Variants in PLCE1 observed in about 807,000 individuals in gnomAD.
The protein encoded by PLCE1 is 1-phosphatidylinositol 4,5-bisphosphate phosphodiesterase epsilon-1.
A neutral mutation model predicts 242.8 loss-of-function variants in PLCE1; 119 were observed. That is an observed-to-expected ratio of 0.49 (90% CI 0.42 to 0.57). The LOEUF (loss-of-function observed/expected upper bound fraction) is 0.57, where lower values mean the gene tolerates loss of function less well. Among genes scored for constraint, PLCE1 ranks in the 20% least tolerant of loss-of-function variants. The pLI, the probability that PLCE1 is intolerant of heterozygous loss-of-function variation, is 0.00. For synonymous variants in PLCE1, 945 were observed against 1,017.4 expected, an observed-to-expected ratio of 0.93 and a Z score of 1.35; for missense variants, 2,441 against 2,788.8, an observed-to-expected ratio of 0.88 and a Z score of 2.81.
At chr10:94,215,651 T>C (rs2049494775) in intron 4 of PLCE1, among the ~76,000 whole-genome samples, 1 of 152,112 alleles carries the variant, frequency 6.6e-6, no homozygotes, top group Admixed American at 6.5e-5. Flanking sequence ...TTCTTGGATA[T>C]ACAAGATAAG....
In PLCE1 at chr10:94,254,944, A is replaced by G. The variant is rs778868001; in HGVS notation, c.3449A>G (p.His1150Arg). The G allele has an allele frequency of 6.2e-7, 1 of 1,613,694 alleles. No homozygotes were observed. Among genetic ancestry groups the G allele is most frequent in the East Asian group, 2.2e-5 (1 of 44,874 alleles). ...AACCCCCTCCCTTCCAGAAGAGCCC[A>G]CTCTTTGACCACAGCTGGGTCCCCC... ...PPNPLPSRRAHSLTTAGSPNL... is the reference protein window; with the variant it reads ...PPNPLPSRRARSLTTAGSPNL... The change falls in exon 11 of 33, where the codon CAC (histidine) becomes CGC (arginine). Residue 1150 changes from histidine (H) to arginine (R), a missense_variant. His to Arg is a conservative substitution (Grantham distance 29). Coordinates refer to ENST00000371380, the MANE Select transcript of PLCE1 (RefSeq NM_016341.4).
intron 21 of PLCE1, among the ~76,000 whole-genome samples, 197 bp downstream of exon 21, chr10:94,284,108 G>A (rs2052350782): frequency 6.6e-6 from 1 of 152,166 alleles, no homozygotes; most frequent in Non-Finnish European, 1.5e-5. Context: ...GATTCATCCA[G>A]CCAATACCTA....
At chr10:94,137,117 C>T (rs745827377) in intron 3 of PLCE1, among the ~76,000 whole-genome samples, 64 of 151,988 alleles carry the variant, frequency 4.2e-4, no homozygotes, top group Non-Finnish European at 7.6e-4. Context: ...GGCGTGAACC[C>T]GGGAGGCAGA....
intron 4 of PLCE1, among the ~76,000 whole-genome samples, chr10:94,220,666 T>TACTTGCAGCAGCAGAGCAGTC (rs2049708714): frequency 6.6e-6 from 1 of 151,950 alleles, no homozygotes. Flanking sequence ...TCTACAACAG[T>TACTTGCAGCAGCAGAGCAGTC]ACTTGCAGCA....
intron 4 of PLCE1, among the ~76,000 whole-genome samples, chr10:94,216,594 A>G (rs2049537970): frequency 6.6e-6 from 1 of 152,102 alleles, no homozygotes; most frequent in Non-Finnish European, 1.5e-5. Flanking sequence ...TGCCTGGGAT[A>G]CCTAGCTGTC....
At chr10:94,228,780 G>T (rs749363789) in intron 5 of PLCE1, among the ~76,000 whole-genome samples, 1 of 151,892 alleles carries the variant, frequency 6.6e-6, no homozygotes, top group African/African-American at 2.4e-5. Context: ...AATGCATCAG[G>T]CATGGCTCAA....
At chr10:94,174,066 A>T (rs1325352380) in intron 4 of PLCE1, among the ~76,000 whole-genome samples, 1 of 152,208 alleles carries the variant, frequency 6.6e-6, no homozygotes, top group Non-Finnish European at 1.5e-5. Context: ...AAAAGGAAGA[A>T]ATGGAGTTTG....
intron 18 of PLCE1, among the ~76,000 whole-genome samples, chr10:94,273,011 G>A (rs1241726501): frequency 6.6e-6 from 1 of 151,994 alleles, no homozygotes; most frequent in African/African-American, 2.4e-5. Flanking sequence ...GACCAGCCTG[G>A]GCAACAATGG....
chr10:94,001,097 C>T (rs997923770), intron 1 of PLCE1, among the ~76,000 whole-genome samples: 2 of 152,200 alleles, frequency 1.3e-5, no homozygotes, highest in African/African-American at 4.8e-5. Flanking sequence ...CCCCATATCC[C>T]TCCTCTGAAG....
chr10:94,249,866 G>A (rs376481059), intron 8 of PLCE1, among the ~76,000 whole-genome samples: 2 of 151,786 alleles, frequency 1.3e-5, no homozygotes, highest in East Asian at 3.9e-4. Context: ...GGGAGGCTAA[G>A]AAAGTTAAAT....
intron 3 of PLCE1, among the ~76,000 whole-genome samples, chr10:94,143,984 T>G (rs909282197): frequency 6.6e-6 from 1 of 152,234 alleles, no homozygotes; most frequent in African/African-American, 2.4e-5. Context: ...CTGTTTATAC[T>G]CAGAGACACA....
intron 22 of PLCE1, among the ~76,000 whole-genome samples, chr10:94,285,776 C>T (rs2133350789): frequency 6.6e-6 from 1 of 152,302 alleles, no homozygotes; most frequent in South Asian, 2.1e-4. Context: ...GGTAGCAAGG[C>T]CCCACCCAAA....
At chr10:94,208,394 A>C (rs2049231876) in intron 4 of PLCE1, among the ~76,000 whole-genome samples, 1 of 152,268 alleles carries the variant, frequency 6.6e-6, no homozygotes, top group African/African-American at 2.4e-5. Context: ...CTTTGAAATT[A>C]CATAAAGACA....
intron 2 of PLCE1, among the ~76,000 whole-genome samples, chr10:94,121,642 T>G (rs1303358441): frequency 2.0e-5 from 3 of 152,134 alleles, no homozygotes; most frequent in Non-Finnish European, 4.4e-5. Flanking sequence ...AAACACTAGT[T>G]ACTTCCCCCA....
At position 94,293,482 on chromosome 10, in the gene PLCE1, T is replaced by A. The variant is rs3740365; in HGVS notation, c.5036-26T>A. On this transcript the variant is annotated intron_variant, in intron 22 of 32. Coordinates refer to ENST00000371380, the MANE Select transcript of PLCE1 (RefSeq NM_016341.4). ...GTTGCCTTGCTTGTAGTTTTTGGCT[T>A]ATTTATTTTCATTTTATGGGAACAG... The A allele has an allele frequency of 0.089, 142,536 of 1,610,550 alleles. 7,193 individuals carry two copies. The highest frequency in any genetic ancestry group is 0.2 in the East Asian group (8,813 of 44,752).
At chr10:94,234,340 T>C (rs1240702201) in intron 6 of PLCE1, 28 bp downstream of exon 6, 1 of 1,611,342 alleles carries the variant, frequency 6.2e-7, no homozygotes, top group East Asian at 2.2e-5. Context: ...CATCGTGGCC[T>C]GAAGAGCCAC....
chr10:94,270,030 A>G (rs1389115079), intron 17 of PLCE1, among the ~76,000 whole-genome samples: 6 of 152,358 alleles, frequency 3.9e-5, no homozygotes, highest in Middle Eastern at 3.4e-3. Flanking sequence ...AAACTCCTGT[A>G]TGCTATATTG....
intron 4 of PLCE1, among the ~76,000 whole-genome samples, chr10:94,224,491 A>G (rs932966357): frequency 5.3e-5 from 8 of 152,194 alleles, no homozygotes; most frequent in Non-Finnish European, 1.0e-4. Flanking sequence ...TTTGCCATCA[A>G]TTTCAACTAG....
At chr10:94,313,113 G>C in intron 27 of PLCE1, 141 bp from the exon 28 acceptor site, 1 of 880,172 alleles carries the variant, frequency 1.1e-6, no homozygotes, top group South Asian at 1.4e-5. Context: ...ACCATTTGTA[G>C]CACTAGGCTA....
Sources: allele counts gnomAD v4.1 joint callset (sites outside exome capture counted in the v4.1 genomes callset), GRCh38; gene constraint gnomAD v4.1.1; transcripts MANE v1.5; gene names NCBI Gene and HGNC (gene_info 2026-07-23, HGNC 2026-07-21).